Variants in ZNF516 observed in about 807,000 individuals in gnomAD.
ZNF516 encodes the protein zinc finger protein 516.
In ZNF516, 19 loss-of-function variants were observed where a neutral mutation model predicts 79.7. The ratio of observed to expected loss-of-function variants is 0.24; its 90% confidence interval spans 0.17 to 0.35. The LOEUF (loss-of-function observed/expected upper bound fraction) is 0.35, where lower values mean the gene tolerates loss of function less well. Among genes scored for constraint, ZNF516 ranks in the 10% least tolerant of loss-of-function variants. The pLI, the probability that ZNF516 is intolerant of heterozygous loss-of-function variation, is 1.00. For synonymous variants in ZNF516, 877 were observed against 739.5 expected (o/e 1.19, Z -3.02); for missense variants, 1,678 against 1,679.5 (o/e 1.00, Z 0.02).
chr18:76,427,497 T>C (rs955753916), intron 3 of ZNF516, among the ~76,000 whole-genome samples: 4 of 152,170 alleles, frequency 2.6e-5, no homozygotes, highest in Admixed American at 2.0e-4. Flanking sequence ...TCACAGAATA[T>C]ATACGAGGTT....
At chr18:76,460,401 T>C (rs1284273949) in intron 2 of ZNF516, among the ~76,000 whole-genome samples, 1 of 152,204 alleles carries the variant, frequency 6.6e-6, no homozygotes, top group Non-Finnish European at 1.5e-5. Flanking sequence ...GGAATGAGCA[T>C]TCTGGAGTTG....
At chr18:76,492,200 C>T in intron 1 of ZNF516, 7 of 985,430 alleles carry the variant, frequency 7.1e-6, no homozygotes, top group Non-Finnish European at 8.4e-6. Context: ...CGCGGTGCTC[C>T]CGGAAGACAC....
At chr18:76,416,795 A>G (rs12454625) in intron 3 of ZNF516, among the ~76,000 whole-genome samples, 85,467 of 152,000 alleles carry the variant, frequency 0.56, 24,238 homozygotes, top group South Asian at 0.68. Context: ...CCCCTTCTTA[A>G]ATTCTGCCTC....
At chr18:76,490,704 A>AT (rs1915125332) in intron 1 of ZNF516, 1 of 921,034 alleles carries the variant, frequency 1.1e-6, no homozygotes, top group Admixed American at 6.2e-5. Flanking sequence ...TCGAAACTGC[A>AT]TGGCAGGCTG....
At chr18:76,364,706 A>G (rs1262648808) in intron 6 of ZNF516, among the ~76,000 whole-genome samples, 1 of 152,206 alleles carries the variant, frequency 6.6e-6, no homozygotes, top group Non-Finnish European at 1.5e-5. Context: ...GCCCCAGGAC[A>G]CACGGGGCAC....
chr18:76,479,107 G>A (rs1599153549), intron 1 of ZNF516, among the ~76,000 whole-genome samples: 8 of 151,818 alleles, frequency 5.3e-5, no homozygotes, highest in East Asian at 1.9e-4. Flanking sequence ...TTCCTTCTCA[G>A]AACAGACCTG....
chr18:76,440,764 G>GCA (rs2075806391), intron 3 of ZNF516, among the ~76,000 whole-genome samples: 5 of 150,774 alleles, frequency 3.3e-5, no homozygotes, highest in Non-Finnish European at 3.0e-5. Flanking sequence ...GTGTGTGTGC[G>GCA]CGCACGCGCG....
intron 2 of ZNF516, among the ~76,000 whole-genome samples, chr18:76,449,948 C>T (rs550520497): frequency 7.2e-5 from 11 of 152,280 alleles, no homozygotes; most frequent in Admixed American, 2.0e-4. Context: ...CTACAACGAG[C>T]ACATTCAAAC....
At chr18:76,406,013 G>A (rs1857390246) in intron 3 of ZNF516, among the ~76,000 whole-genome samples, 2 of 152,206 alleles carry the variant, frequency 1.3e-5, no homozygotes, top group South Asian at 2.1e-4. Flanking sequence ...ATCCACACGG[G>A]AGGCGTGCTC....
chr18:76,468,050 C>T (rs1348804368), intron 1 of ZNF516, among the ~76,000 whole-genome samples: 1 of 152,212 alleles, frequency 6.6e-6, no homozygotes, highest in Non-Finnish European at 1.5e-5. Flanking sequence ...CCCAGCCAGC[C>T]CGTGCCTATT....
chr18:76,489,545 C>T (rs1915033274), intron 1 of ZNF516, among the ~76,000 whole-genome samples: 2 of 146,970 alleles, frequency 1.4e-5, no homozygotes, highest in African/African-American at 2.5e-5. Flanking sequence ...AGACCTCTCT[C>T]ATTCCCTTCA....
chr18:76,407,444 G>A (rs1364195136), intron 3 of ZNF516, among the ~76,000 whole-genome samples: 1 of 152,092 alleles, frequency 6.6e-6, no homozygotes, highest in Non-Finnish European at 1.5e-5. Context: ...GGGGGGGAGT[G>A]GAGAGGAGGA....
chr18:76,366,201 A>G (rs1338477246), intron 6 of ZNF516, among the ~76,000 whole-genome samples: 1 of 152,210 alleles, frequency 6.6e-6, no homozygotes, highest in Non-Finnish European at 1.5e-5. Context: ...GGTGAATTTA[A>G]TCAATTTCAG....
At chr18:76,390,307 G>A (rs1345357383) in intron 3 of ZNF516, among the ~76,000 whole-genome samples, 3 of 152,144 alleles carry the variant, frequency 2.0e-5, no homozygotes, top group South Asian at 4.1e-4. Flanking sequence ...AGAAAATTAC[G>A]AGCCATGTAT....
chr18:76,377,978 A>G (rs918245638), intron 4 of ZNF516: 5 of 152,190 alleles, frequency 3.3e-5, no homozygotes, highest in African/African-American at 1.2e-4. Flanking sequence ...GGCCTCCCAA[A>G]GTGCATGGAT....
intron 3 of ZNF516, among the ~76,000 whole-genome samples, chr18:76,435,458 C>G (rs1462604238): frequency 1.3e-5 from 2 of 152,134 alleles, no homozygotes; most frequent in Non-Finnish European, 2.9e-5. Flanking sequence ...TCTGATAACT[C>G]GGAAAGCACA....
In ZNF516 at chr18:76,442,244, G is replaced by A. The variant is rs746467242; in HGVS notation, c.811C>T (p.Arg271Trp). ...TGGCAGCCGTGGTCGAAGGAGCCCC[G>A]GTGCTTCTTCATGTGCGCCTTCAGG... ...WFLKAHMKKH[R>W]GSFDHGCHIC... The change falls in exon 3 of 7, where the codon CGG (arginine) becomes TGG (tryptophan). Residue 271 changes from arginine (R) to tryptophan (W), a missense_variant. By Grantham distance (101) the Arg-to-Trp change is moderately radical. Coordinates refer to ENST00000443185, the MANE Select transcript of ZNF516 (RefSeq NM_014643.4). The A allele has an allele frequency of 3.7e-6, 6 of 1,613,548 alleles. No individual in the cohort carries two copies. Among genetic ancestry groups the A allele is most frequent in the Non-Finnish European group, 5.1e-6 (6 of 1,179,850 alleles).
intron 1 of ZNF516, chr18:76,492,707 CAGTTGCTGAGA>C (rs1444024174): frequency 1.0e-6 from 1 of 984,640 alleles, no homozygotes; most frequent in Non-Finnish European, 1.2e-6. Context: ...TTCGAGTCCC[CAGTTGCTGAGA>C]AACAATCACA....
chr18:76,449,118 T>G (rs900146060), intron 2 of ZNF516, among the ~76,000 whole-genome samples: 2 of 152,152 alleles, frequency 1.3e-5, no homozygotes, highest in Non-Finnish European at 2.9e-5. Flanking sequence ...CAACTCACTC[T>G]TGAATCCATG....
Sources: gnomAD v4.1 joint callset for allele counts (sites outside exome capture counted in the v4.1 genomes callset) on GRCh38, gnomAD v4.1.1 for gene constraint, MANE v1.5 for transcripts, NCBI Gene and HGNC (gene_info 2026-07-23, HGNC 2026-07-21) for gene names.